The following TRDN variants were observed in gnomAD, a reference collection of about 807,000 sequenced individuals.
TRDN encodes the protein triadin.
TRDN carries 161 observed loss-of-function variants against 149.7 expected under a neutral mutation model. The ratio of observed to expected loss-of-function variants is 1.08; its 90% CI spans 0.95 to 1.23. The LOEUF (loss-of-function observed/expected upper bound fraction) is 1.23, where lower values mean the gene tolerates loss of function less well. Among genes scored for constraint, TRDN ranks in the 50% most tolerant of loss-of-function variants. TRDN has a pLI of 0.00. For missense variants in TRDN, 896 were observed against 823.5 expected (o/e 1.09, Z -1.08); for synonymous variants, 294 against 250.5 (o/e 1.17, Z -1.64).
chr6:123,425,488 G>T (rs1270162526), intron 12 of TRDN, among the ~76,000 whole-genome samples: 1 of 151,978 alleles, frequency 6.6e-6, no homozygotes, highest in Non-Finnish European at 1.5e-5. Flanking sequence ...AGATCACCAA[G>T]GTAGTGAGGA....
At chr6:123,526,970 A>G (rs13193333) in intron 5 of TRDN, among the ~76,000 whole-genome samples, 86,177 of 151,854 alleles carry the variant, frequency 0.57, 25,323 homozygotes, top group Non-Finnish European at 0.65. Context: ...TTTTACAAGT[A>G]CATTTCATAA....
At chr6:123,574,246 T>A (rs1355630395) in intron 1 of TRDN, among the ~76,000 whole-genome samples, 1 of 151,890 alleles carries the variant, frequency 6.6e-6, no homozygotes, top group East Asian at 1.9e-4. Flanking sequence ...AAATCTCTTT[T>A]CGGAAAAAAA....
chr6:123,301,768 T>TATATATATAC, intron 24 of TRDN, among the ~76,000 whole-genome samples: 18 of 92,744 alleles, frequency 1.9e-4, no homozygotes, highest in Non-Finnish European at 3.9e-4. Flanking sequence ...TATATATATA[T>TATATATATAC]ACATATATAT....
intron 2 of TRDN, among the ~76,000 whole-genome samples, chr6:123,560,188 C>T (rs938271600): frequency 6.6e-5 from 10 of 152,192 alleles, no homozygotes; most frequent in African/African-American, 1.7e-4. Context: ...AACTCACTCT[C>T]TACAGTTCTC....
intron 12 of TRDN, among the ~76,000 whole-genome samples, chr6:123,436,017 A>G (rs926041911): frequency 1.3e-5 from 2 of 152,162 alleles, no homozygotes; most frequent in Non-Finnish European, 2.9e-5. Context: ...GCATGAGCAC[A>G]CACAAACACA....
chr6:123,242,456 C>A (rs1228328539), intron 38 of TRDN, among the ~76,000 whole-genome samples: 1 of 151,808 alleles, frequency 6.6e-6, no homozygotes, highest in Non-Finnish European at 1.5e-5. Flanking sequence ...CATATATTTA[C>A]CATATATACA....
chr6:123,611,250 G>A (rs1432530872), intron 1 of TRDN, among the ~76,000 whole-genome samples: 1 of 152,058 alleles, frequency 6.6e-6, no homozygotes, highest in Non-Finnish European at 1.5e-5. Flanking sequence ...TCTGATAAAT[G>A]CAAATGCGAA....
intron 4 of TRDN, among the ~76,000 whole-genome samples, chr6:123,535,241 C>T (rs1217549080): frequency 6.6e-6 from 1 of 152,122 alleles, no homozygotes; most frequent in Non-Finnish European, 1.5e-5. Flanking sequence ...TCTACTGAGT[C>T]ACTGGTAGCT....
At chr6:123,371,119 T>G (rs946702099) in intron 19 of TRDN, among the ~76,000 whole-genome samples, 2 of 152,226 alleles carry the variant, frequency 1.3e-5, no homozygotes, top group Admixed American at 6.5e-5. Flanking sequence ...CATCTAGTTT[T>G]TCAAATCCTC....
chr6:123,292,366 G>A (rs1240386421), intron 24 of TRDN, among the ~76,000 whole-genome samples: 1 of 152,076 alleles, frequency 6.6e-6, no homozygotes, highest in African/African-American at 2.4e-5. Context: ...TTAGCAGTGT[G>A]GGAGCCAGAG....
intron 18 of TRDN, among the ~76,000 whole-genome samples, chr6:123,377,259 C>T (rs1333799505): frequency 6.6e-6 from 1 of 152,134 alleles, no homozygotes. Context: ...ATAATATTTG[C>T]TGGAAGTGAT....
chr6:123,329,122 C>G (rs1779573012), intron 23 of TRDN, among the ~76,000 whole-genome samples: 1 of 152,118 alleles, frequency 6.6e-6, no homozygotes, highest in Non-Finnish European at 1.5e-5. Flanking sequence ...GTCTCCACTA[C>G]ATGATTACTG....
chr6:123,571,710 C>A (rs949517734), intron 1 of TRDN, among the ~76,000 whole-genome samples: 1 of 151,898 alleles, frequency 6.6e-6, no homozygotes, highest in Non-Finnish European at 1.5e-5. Flanking sequence ...ATATTTTGCA[C>A]GTATATTTCT....
At chr6:123,287,498 T>C (rs183456460) in intron 24 of TRDN, among the ~76,000 whole-genome samples, 29 of 152,290 alleles carry the variant, frequency 1.9e-4, no homozygotes, top group Non-Finnish European at 3.8e-4. Context: ...AGTTGCTTTT[T>C]TTAAGAGCAT....
intron 1 of TRDN, among the ~76,000 whole-genome samples, chr6:123,590,619 C>T (rs1171942522): frequency 2.0e-5 from 3 of 151,828 alleles, no homozygotes; most frequent in African/African-American, 4.8e-5. Flanking sequence ...AAAAATTAGC[C>T]GGGTGTGTGG....
At chr6:123,226,885 G>T (rs1241774433) in intron 38 of TRDN, among the ~76,000 whole-genome samples, 1 of 151,804 alleles carries the variant, frequency 6.6e-6, no homozygotes, top group Non-Finnish European at 1.5e-5. Context: ...TCAGGAAAAT[G>T]TTTAATGAAG....
intron 12 of TRDN, among the ~76,000 whole-genome samples, chr6:123,420,613 A>C (rs1193671213): frequency 6.6e-6 from 1 of 152,212 alleles, no homozygotes; most frequent in African/African-American, 2.4e-5. Flanking sequence ...AAATGCAGAA[A>C]TTCACAGATG....
At chr6:123,455,305 G>A (rs1776043024) in intron 10 of TRDN, among the ~76,000 whole-genome samples, 1 of 150,980 alleles carries the variant, frequency 6.6e-6, no homozygotes, top group African/African-American at 2.5e-5. Flanking sequence ...TTTTACATGA[G>A]TGATTGCATT....
chr6:123,354,056 G>A (rs771668659), intron 20 of TRDN, among the ~76,000 whole-genome samples: 8 of 151,756 alleles, frequency 5.3e-5, no homozygotes, highest in Non-Finnish European at 8.9e-5. Context: ...AAAGGCACAA[G>A]TCCCAAGATA....
Sources: allele counts gnomAD v4.1 joint callset (sites outside exome capture counted in the v4.1 genomes callset), GRCh38; gene constraint gnomAD v4.1.1; transcripts MANE v1.5; gene names NCBI Gene and HGNC (gene_info 2026-07-23, HGNC 2026-07-21).